Variants in UBXN2B observed in about 807,000 individuals in gnomAD.
The protein encoded by UBXN2B is UBX domain protein 2B.
UBXN2B carries 19 observed loss-of-function variants against 37.5 expected under a neutral mutation model. The ratio of observed to expected loss-of-function variants is 0.51; its 90% confidence interval spans 0.35 to 0.74. The LOEUF (loss-of-function observed/expected upper bound fraction) is 0.74, where lower values mean the gene tolerates loss of function less well. Among genes scored for constraint, UBXN2B ranks in the 30% least tolerant of loss-of-function variants. UBXN2B has a pLI of 0.01. For missense variants in UBXN2B, 370 were observed against 393.2 expected (o/e 0.94, Z 0.50); for synonymous variants, 145 against 143.8 (o/e 1.01, Z -0.06).
chr8:58,426,202 CTTT>C (rs34005463), intron 2 of UBXN2B: 9,262 of 311,256 alleles, frequency 0.03, no homozygotes, highest in East Asian at 0.039. Flanking sequence ...TGTTCTGAAT[CTTT>C]TTTTTTTTTT....
intron 2 of UBXN2B, among the ~76,000 whole-genome samples, chr8:58,421,761 T>C (rs1807931877): frequency 6.6e-6 from 1 of 152,236 alleles, no homozygotes; most frequent in Non-Finnish European, 1.5e-5. Flanking sequence ...CAATCACCTT[T>C]TACCAAACAC....
At chr8:58,439,908 T>TG in intron 6 of UBXN2B, 138 bp downstream of exon 6, 12 of 659,616 alleles carry the variant, frequency 1.8e-5, no homozygotes, top group Non-Finnish European at 2.8e-5. Flanking sequence ...GTTAATATTA[T>TG]ATCATAATAT....
intron 2 of UBXN2B, among the ~76,000 whole-genome samples, chr8:58,420,364 G>T (rs571016315): frequency 2.6e-5 from 4 of 152,156 alleles, no homozygotes; most frequent in Non-Finnish European, 4.4e-5. Flanking sequence ...AAAAACAGTT[G>T]CAAATAGACT....
chr8:58,416,189 C>A (rs767447528), intron 1 of UBXN2B, among the ~76,000 whole-genome samples: 1 of 151,748 alleles, frequency 6.6e-6, no homozygotes, highest in Non-Finnish European at 1.5e-5. Context: ...CTATACAATA[C>A]TGAAATATTG....
In UBXN2B at chr8:58,429,141, G is replaced by A. The variant is rs569606621; in HGVS notation, c.189-1378G>A. On this transcript the variant is annotated intron_variant, in intron 2 of 7. Coordinates refer to ENST00000399598, the MANE Select transcript of UBXN2B (RefSeq NM_001077619.2). ...CGGTAAGGTCTTTCTCACTAAGACT[G>A]AGATAAAAAGGAATGATTATTCACT... 5.3e-4 allele frequency among the ~76,000 whole-genome samples: 81 copies of A among 152,298 alleles called. 1 individual carries two copies. Among genetic ancestry groups the A allele is most frequent in the African/African-American group, 1.9e-3 (79 of 41,562 alleles).
At chr8:58,438,347 A>G (rs918851675) in intron 5 of UBXN2B, among the ~76,000 whole-genome samples, 1 of 152,194 alleles carries the variant, frequency 6.6e-6, no homozygotes, top group Non-Finnish European at 1.5e-5. Context: ...CTCCAGACCC[A>G]GGAATGGTGG....
At chr8:58,431,225 T>C (rs1339480715) in intron 3 of UBXN2B, among the ~76,000 whole-genome samples, 1 of 152,238 alleles carries the variant, frequency 6.6e-6, no homozygotes, top group East Asian at 1.9e-4. Context: ...GGCTCATGCC[T>C]GTAATCCTAG....
At chr8:58,423,259 AAG>A (rs1563458565) in intron 2 of UBXN2B, among the ~76,000 whole-genome samples, 3 of 152,066 alleles carry the variant, frequency 2.0e-5, no homozygotes, top group African/African-American at 7.2e-5. Context: ...AGGCCACTGA[AAG>A]AGACTACACG....
In UBXN2B at chr8:58,447,572, TA is replaced by T; in HGVS notation, c.*22del. On this transcript the variant is annotated 3_prime_UTR_variant, in exon 8 of 8. Coordinates refer to ENST00000399598, the MANE Select transcript of UBXN2B (RefSeq NM_001077619.2). ...AATAATATTGTTCCTGTCCATGCAGTAGCATGTGGGAATAGATGATGTGCCG... is the reference window on the plus strand; with the variant it reads ...AATAATATTGTTCCTGTCCATGCAGTGCATGTGGGAATAGATGATGTGCCG... 2 of 1,571,552 alleles carry T rather than the reference TA, an allele frequency of 1.3e-6. No homozygotes were observed. Among genetic ancestry groups the T allele is most frequent in the Non-Finnish European group, 1.7e-6 (2 of 1,154,458 alleles).
At chr8:58,440,999 T>C (rs1808526496) in intron 6 of UBXN2B, among the ~76,000 whole-genome samples, 1 of 146,546 alleles carries the variant, frequency 6.8e-6, no homozygotes, top group Non-Finnish European at 1.5e-5. Context: ...TTCTTTCTCT[T>C]TTTTTTTTTT....
At chr8:58,425,446 A>G in intron 2 of UBXN2B, 1 of 1,140,888 alleles carries the variant, frequency 8.8e-7, no homozygotes, top group South Asian at 1.2e-5. Flanking sequence ...GGGCATGATG[A>G]TATTTGCATT....
Position 58,433,128 on chromosome 8 carries a change from G to A in UBXN2B, c.340-32G>A, listed in dbSNP as rs191824265. The stretch of plus-strand genomic sequence containing the variant: ...ATAACTTTTTGCTGAATAATCCTTT[G>A]TGAATTTTAACTCACTTGCTATGTA... On this transcript the variant is annotated intron_variant, in intron 3 of 7. Transcript: ENST00000399598. 1,034 of 1,509,630 alleles carry A rather than the reference G, an allele frequency of 6.8e-4. 10 individuals carry two copies. Among genetic ancestry groups the A allele is most frequent in the Non-Finnish European group, 2.0e-4 (224 of 1,093,232 alleles). The allele number at this position is 1,509,630 out of a possible 1,614,324, so 93.5% of individuals were successfully genotyped here.
intron 5 of UBXN2B, among the ~76,000 whole-genome samples, chr8:58,436,011 AGAAAT>A (rs1454481048): frequency 6.6e-6 from 1 of 152,236 alleles, no homozygotes; most frequent in African/African-American, 2.4e-5. Flanking sequence ...AATATATTGA[AGAAAT>A]AAAGTAATTT....
intron 2 of UBXN2B, among the ~76,000 whole-genome samples, chr8:58,417,696 CTATTT>C (rs1480709618): frequency 3.9e-5 from 6 of 152,156 alleles, no homozygotes; most frequent in African/African-American, 1.2e-4. Flanking sequence ...CTCAGAAAGT[CTATTT>C]TATAAGTTTT....
rs569209810 is a variant in UBXN2B at position 58,417,482 on chromosome 8, G to A, written c.188+529G>A. On this transcript the variant is annotated intron_variant, in intron 2 of 7. Coordinates refer to ENST00000399598, the MANE Select transcript of UBXN2B (RefSeq NM_001077619.2). ...TCCTTTGGGTGATGATTCCTCTAAT[G>A]TGTGACCTCCTAAATAGTATTTGTT... Among the ~76,000 whole-genome samples, 229 of 152,298 alleles carry A rather than the reference G, an allele frequency of 1.5e-3. 2 individuals are homozygous for A. Among genetic ancestry groups the A allele is most frequent in the Non-Finnish European group, 2.3e-3 (156 of 68,030 alleles).
intron 2 of UBXN2B, chr8:58,424,925 C>G (rs1319169221): frequency 4.8e-6 from 4 of 840,158 alleles, no homozygotes; most frequent in East Asian, 4.8e-5. Context: ...CAGTCAACAC[C>G]TTTCTCTCTG....
At chr8:58,432,112 T>C (rs1808294151) in intron 3 of UBXN2B, among the ~76,000 whole-genome samples, 1 of 152,226 alleles carries the variant, frequency 6.6e-6, no homozygotes, top group Admixed American at 6.5e-5. Flanking sequence ...TTTATTCCTT[T>C]TTTTTCTTTT....
chr8:58,415,935 T>C (rs1807767102), intron 1 of UBXN2B, among the ~76,000 whole-genome samples: 1 of 152,086 alleles, frequency 6.6e-6, no homozygotes, highest in Non-Finnish European at 1.5e-5. Flanking sequence ...GAATTAACAT[T>C]GCCCCAATGC....
At chr8:58,412,779 C>G (rs1318383688) in intron 1 of UBXN2B, among the ~76,000 whole-genome samples, 1 of 152,194 alleles carries the variant, frequency 6.6e-6, no homozygotes, top group Non-Finnish European at 1.5e-5. Flanking sequence ...CATTTGTAAA[C>G]TGAGGAAGGT....
Sources: allele counts gnomAD v4.1 joint callset (sites outside exome capture counted in the v4.1 genomes callset), GRCh38; gene constraint gnomAD v4.1.1; transcripts MANE v1.5; gene names NCBI Gene and HGNC (gene_info 2026-07-23, HGNC 2026-07-21).